Variants in SLCO1B3 observed in about 807,000 individuals in gnomAD.
SLCO1B3 encodes the protein solute carrier organic anion transporter family member 1B3, also known as liver-specific organic anion transporter 2.
A neutral mutation model predicts 71.8 loss-of-function variants in SLCO1B3; 72 were observed. The observed-to-expected ratio is 1.00, with a 90% CI of 0.83 to 1.22. The LOEUF (loss-of-function observed/expected upper bound fraction) is 1.22, where lower values mean the gene tolerates loss of function less well. SLCO1B3 is among the 50% of genes most tolerant of loss of function. The pLI is 0.00. For synonymous variants in SLCO1B3, 298 were observed against 278.4 expected (o/e 1.07, Z -0.70); for missense variants, 911 against 819.7 (o/e 1.11, Z -1.36).
intron 15 of SLCO1B3, among the ~76,000 whole-genome samples, chr12:20,910,719 C>T (rs1236755991): frequency 3.9e-5 from 6 of 151,938 alleles, no homozygotes; most frequent in South Asian, 2.1e-4. Context: ...GGGGTGTTAA[C>T]GTAAATAGTA....
intron 14 of SLCO1B3, among the ~76,000 whole-genome samples, chr12:20,900,551 T>C (rs1270244783): frequency 6.6e-6 from 1 of 152,188 alleles, no homozygotes; most frequent in Non-Finnish European, 1.5e-5. Flanking sequence ...GTCATCGAAA[T>C]CAGGCACTAC....
intron 8 of SLCO1B3, among the ~76,000 whole-genome samples, chr12:20,863,442 G>A (rs576729049): frequency 4.6e-5 from 7 of 152,192 alleles, no homozygotes; most frequent in Middle Eastern, 3.4e-3. Flanking sequence ...TTCTCCTCTT[G>A]TAGAAGAATA....
intron 15 of SLCO1B3, among the ~76,000 whole-genome samples, chr12:20,902,751 A>G (rs1245947079): frequency 1.3e-5 from 2 of 152,176 alleles, no homozygotes; most frequent in African/African-American, 4.8e-5. Context: ...CAAATGTCCT[A>G]TGTATATAAG....
chr12:20,863,249 C>T (rs1865306168), intron 8 of SLCO1B3, among the ~76,000 whole-genome samples: 1 of 151,892 alleles, frequency 6.6e-6, no homozygotes, highest in South Asian at 2.1e-4. Flanking sequence ...GCTGCATTGA[C>T]TTACGGCAGG....
At chr12:20,821,033 A>C (rs1021679751) in intron 3 of SLCO1B3, among the ~76,000 whole-genome samples, 30 of 152,148 alleles carry the variant, frequency 2.0e-4, no homozygotes, top group South Asian at 1.0e-3. Flanking sequence ...AGAATTGGGA[A>C]CTAGCTCGGC....
rs1865682536 is a variant in SLCO1B3, at chr12:20,880,966, C to T, written c.1443C>T (p.Tyr481=). Residue 481 remains tyrosine, a synonymous_variant, in exon 12 of 16, where the codon TAC becomes TAT. Transcript: ENST00000381545. ...TCTGTGGGAACAATGGAATAACTTA[C>T]CTGTCACCTTGTCTAGCAGGATGCA... ...EPVCGNNGIT[Y]LSPCLAGCKS... is the part of the protein sequence containing the mutation. The T allele has an allele frequency of 6.2e-7, 1 of 1,612,436 alleles. No individual in the cohort carries two copies. Among genetic ancestry groups the T allele is most frequent in the South Asian group, 1.1e-5 (1 of 91,002 alleles).
intron 14 of SLCO1B3, 32 bp downstream of exon 14, chr12:20,898,532 CATATAA>C (rs1565606630): frequency 3.7e-6 from 4 of 1,092,170 alleles, no homozygotes; most frequent in East Asian, 2.6e-5. Flanking sequence ...TACATTTTAA[CATATAA>C]ATATTAATGT....
Position 20,877,946 on chromosome 12 carries a change from A to G in SLCO1B3, c.1135+10A>G. On this transcript the variant is annotated intron_variant, in intron 10 of 15. Coordinates refer to ENST00000381545, the MANE Select transcript of SLCO1B3 (RefSeq NM_019844.4). ...GCTAACTTTTTGTTGGGTAAGACATATTTTTTACCTGTTTGCTTGATAAAT... is the reference window on the plus strand; with the variant it reads ...GCTAACTTTTTGTTGGGTAAGACATGTTTTTTACCTGTTTGCTTGATAAAT... The G allele has an allele frequency of 6.4e-7, 1 of 1,569,270 alleles. No homozygotes were observed. Among genetic ancestry groups the G allele is most frequent in the Non-Finnish European group, 8.6e-7 (1 of 1,156,556 alleles).
intron 9 of SLCO1B3, among the ~76,000 whole-genome samples, chr12:20,875,940 C>T (rs1865570668): frequency 6.6e-6 from 1 of 151,616 alleles, no homozygotes; most frequent in African/African-American, 2.4e-5. Flanking sequence ...ATCTTAAGTA[C>T]TATGGTAGGT....
chr12:20,833,301 A>G (rs1285200332), intron 3 of SLCO1B3, among the ~76,000 whole-genome samples: 1 of 151,984 alleles, frequency 6.6e-6, no homozygotes, highest in Non-Finnish European at 1.5e-5. Context: ...TAACATATTT[A>G]CAAGTTCTGG....
intron 3 of SLCO1B3, among the ~76,000 whole-genome samples, chr12:20,839,187 CTG>C (rs1302181695): frequency 3.3e-5 from 5 of 151,722 alleles, no homozygotes; most frequent in East Asian, 1.9e-4. Context: ...TTTTGAATAA[CTG>C]TTATTTCTTA....
intron 3 of SLCO1B3, among the ~76,000 whole-genome samples, chr12:20,852,151 T>G (rs1019264857): frequency 6.6e-6 from 1 of 152,182 alleles, no homozygotes; most frequent in Non-Finnish European, 1.5e-5. Flanking sequence ...TTGGATTCTC[T>G]GTAAATTTTA....
chr12:20,834,285 A>AATAT (rs34538992), intron 3 of SLCO1B3, among the ~76,000 whole-genome samples: 80 of 141,778 alleles, frequency 5.6e-4, no homozygotes, highest in South Asian at 6.7e-4. Context: ...ATACATGGAG[A>AATAT]ATATATATAT....
intron 3 of SLCO1B3, among the ~76,000 whole-genome samples, chr12:20,816,449 A>G (rs569973037): frequency 6.6e-6 from 1 of 152,298 alleles, no homozygotes; most frequent in Non-Finnish European, 1.5e-5. Context: ...AACTGAGAAC[A>G]TGCAATGTTT....
intron 3 of SLCO1B3, among the ~76,000 whole-genome samples, chr12:20,822,625 T>C (rs114937072): frequency 0.013 from 1,910 of 152,268 alleles, 46 homozygotes; most frequent in African/African-American, 0.043. Context: ...ACAGTGGCAA[T>C]GTATGGCCAC....
At chr12:20,859,780 A>C (rs1865216760) in intron 5 of SLCO1B3, among the ~76,000 whole-genome samples, 1 of 152,030 alleles carries the variant, frequency 6.6e-6, no homozygotes, top group South Asian at 2.1e-4. Flanking sequence ...ACAGTTCTCT[A>C]ATGTGCCATA....
At chr12:20,835,444 C>G (rs1443872194) in intron 3 of SLCO1B3, among the ~76,000 whole-genome samples, 1 of 152,134 alleles carries the variant, frequency 6.6e-6, no homozygotes, top group African/African-American at 2.4e-5. Flanking sequence ...GTTCTGCTTC[C>G]TCTTGTACAC....
rs1483909416 is a variant in SLCO1B3, at chr12:20,841,954, G to A, written c.85-13074G>A. Among the ~76,000 whole-genome samples, 14 of 149,774 alleles carry A rather than the reference G, an allele frequency of 9.3e-5. No homozygotes were observed. In the East Asian group the frequency reaches 1.4e-3, roughly 15 times the overall value. ...GGCTAGAGTGCAGTGGAGCAATCTC[G>A]GCTCACTGCAGCCTCTGTCGCCCAG... On this transcript the variant is annotated intron_variant, in intron 3 of 15. Coordinates refer to ENST00000381545, the MANE Select transcript of SLCO1B3 (RefSeq NM_019844.4).
chr12:20,811,802 T>G lies in SLCO1B3; in HGVS notation c.-181+1038T>G, dbSNP rs767237063. ...TTCAGAGCAAAATATATTAAACGCT[T>G]CTAAATAAGGCTTAAAATGCCACAA... On this transcript the variant is annotated intron_variant, in intron 1 of 15. Coordinates refer to ENST00000381545, the MANE Select transcript of SLCO1B3 (RefSeq NM_019844.4). 9.9e-5 allele frequency among the ~76,000 whole-genome samples: 15 copies of G among 152,258 alleles called. No homozygotes were observed. The South Asian group carries it at 2.9e-3, about 29-fold the overall frequency.
Sources: gnomAD v4.1 joint callset for allele counts (sites outside exome capture counted in the v4.1 genomes callset) on GRCh38, gnomAD v4.1.1 for gene constraint, MANE v1.5 for transcripts, NCBI Gene and HGNC (gene_info 2026-07-23, HGNC 2026-07-21) for gene names.